The following XPR1 variants were observed in gnomAD, a reference collection of about 807,000 sequenced individuals.
The protein encoded by XPR1 is solute carrier family 53 member 1.
In XPR1, 28 loss-of-function variants were observed where a neutral mutation model predicts 87.5. The ratio of observed to expected loss-of-function variants is 0.32; its 90% CI spans 0.24 to 0.44. The LOEUF (loss-of-function observed/expected upper bound fraction) is 0.44. Ranked by LOEUF, XPR1 falls within the 20% of genes least tolerant of loss-of-function variation. XPR1 has a pLI of 1.00. For missense variants in XPR1, 559 were observed against 862.3 expected (o/e 0.65, Z 4.41); for synonymous variants, 300 against 306.1 (o/e 0.98, Z 0.21).
chr1:180,703,932 A>G (rs1228661071), intron 2 of XPR1, among the ~76,000 whole-genome samples: 4 of 152,116 alleles, frequency 2.6e-5, no homozygotes, highest in Admixed American at 2.6e-4. Context: ...CTCTTATTAC[A>G]GAAAATTCTG....
chr1:180,844,021 G>A (rs1651601287), intron 11 of XPR1, among the ~76,000 whole-genome samples: 1 of 152,010 alleles, frequency 6.6e-6, no homozygotes, highest in African/African-American at 2.4e-5. Context: ...GACCAGCCTG[G>A]CCATCATGGT....
chr1:180,778,421 A>G (rs762764085), intron 2 of XPR1, among the ~76,000 whole-genome samples: 8 of 152,244 alleles, frequency 5.3e-5, no homozygotes, highest in Non-Finnish European at 8.8e-5. Flanking sequence ...TCATAGAATA[A>G]CAGTGTATAT....
chr1:180,757,441 C>G (rs543186678), intron 2 of XPR1, among the ~76,000 whole-genome samples: 1 of 150,910 alleles, frequency 6.6e-6, no homozygotes, highest in East Asian at 1.9e-4. Flanking sequence ...ACTAAAGATG[C>G]AGCTAATGCT....
intron 6 of XPR1, among the ~76,000 whole-genome samples, chr1:180,810,173 T>C (rs1453884255): frequency 6.6e-6 from 1 of 152,170 alleles, no homozygotes; most frequent in African/African-American, 2.4e-5. Flanking sequence ...AATCGCTTTC[T>C]AAATATAAAA....
At position 180,873,942 on chromosome 1, in the gene XPR1, G is replaced by A. The variant is rs369652084; in HGVS notation, c.1808G>A (p.Arg603Gln). The change falls in exon 13 of 15, where the codon CGG (arginine) becomes CAG (glutamine). Residue 603 changes from arginine (R) to glutamine (Q), a missense_variant and splice_region_variant. This residue lies in a region of XPR1 where 264 missense variants were observed against 377.2 expected (regional missense o/e 0.70). Transcript: ENST00000367590. ...GTCTTTGCCCCACTTGAGGTTTTCC[G>A]GTAAGCAAACTACTGAAAAGTTTAT... Reference protein sequence around the residue: ...ATVFAPLEVFRRFVWNFFRLE... With the variant: ...ATVFAPLEVFQRFVWNFFRLE... 1.2e-6 allele frequency: 2 copies of A among 1,611,296 alleles called. No homozygotes were observed. The highest frequency in any genetic ancestry group is 2.2e-5 in the South Asian group (2 of 90,264).
At chr1:180,765,218 G>T (rs902363482) in intron 2 of XPR1, among the ~76,000 whole-genome samples, 1 of 152,176 alleles carries the variant, frequency 6.6e-6, no homozygotes, top group Non-Finnish European at 1.5e-5. Context: ...TCAGTGAATG[G>T]AAGAGCTAGG....
chr1:180,749,903 G>A (rs557516604), intron 2 of XPR1, among the ~76,000 whole-genome samples: 78 of 152,170 alleles, frequency 5.1e-4, no homozygotes, highest in Admixed American at 5.0e-3. Context: ...AAAACATACC[G>A]TAGTTAAAAG....
At chr1:180,752,739 A>G (rs1209601551) in intron 2 of XPR1, among the ~76,000 whole-genome samples, 1 of 152,208 alleles carries the variant, frequency 6.6e-6, no homozygotes, top group Non-Finnish European at 1.5e-5. Context: ...TTGGTTGTAC[A>G]GTAAAATTGA....
At position 180,647,888 on chromosome 1, in the gene XPR1, GA is replaced by G. The variant is rs1369329045; in HGVS notation, c.69+15619del. The stretch of plus-strand genomic sequence containing the variant: ...TGCGCTCCAGCCTGGGTGACAGAGT[GA>G]GACTCTTATCTGCAAAAAAAAAAAA... On this transcript the variant is annotated intron_variant, in intron 1 of 14. Coordinates refer to ENST00000367590, the MANE Select transcript of XPR1 (RefSeq NM_004736.4). Among the ~76,000 whole-genome samples the G allele has an allele frequency of 4.6e-5, 6 of 129,666 alleles. No homozygotes were observed. In the East Asian group the frequency reaches 1.4e-3, roughly 30 times the overall value. The allele number at this position is 129,666 out of a possible 152,430, so 85.1% of individuals were successfully genotyped here.
At chr1:180,634,015 A>G (rs537295614) in intron 1 of XPR1, among the ~76,000 whole-genome samples, 10 of 152,306 alleles carry the variant, frequency 6.6e-5, no homozygotes, top group East Asian at 3.9e-4. Context: ...TTAATTTGCA[A>G]TATCTGGGGC....
Position 180,798,910 on chromosome 1 carries a change from G to A in XPR1, c.224-4478G>A, listed in dbSNP as rs532944000. On this transcript the variant is annotated intron_variant, in intron 3 of 14. Coordinates refer to ENST00000367590, the MANE Select transcript of XPR1 (RefSeq NM_004736.4). ...ATTACAGGTGTGAGCCACCATGCCC[G>A]GCCTGTTGTAGTTTTCCATTAACAT... 2.6e-4 allele frequency among the ~76,000 whole-genome samples: 39 copies of A among 152,228 alleles called. 1 individual carries two copies. The highest frequency in any genetic ancestry group is 1.4e-3 in the Admixed American group (21 of 15,292).
intron 10 of XPR1, 142 bp downstream of exon 10, chr1:180,835,187 G>C: frequency 1.1e-6 from 1 of 916,908 alleles, no homozygotes. Context: ...TTGGCATTCT[G>C]TTAGCAGTCT....
chr1:180,814,757 A>G (rs903393300), intron 7 of XPR1, among the ~76,000 whole-genome samples: 2 of 152,228 alleles, frequency 1.3e-5, no homozygotes, highest in Non-Finnish European at 2.9e-5. Context: ...AAGCGGTTCA[A>G]AGAGACAACT....
chr1:180,738,772 C>A (rs1351317995), intron 2 of XPR1, among the ~76,000 whole-genome samples: 1 of 152,056 alleles, frequency 6.6e-6, no homozygotes, highest in Non-Finnish European at 1.5e-5. Flanking sequence ...CTTATATATT[C>A]TAGATACAAG....
chr1:180,664,836 A>G (rs1341900602), intron 1 of XPR1, among the ~76,000 whole-genome samples: 1 of 152,178 alleles, frequency 6.6e-6, no homozygotes, highest in Non-Finnish European at 1.5e-5. Context: ...TTTCCGGATG[A>G]AACTGTTCTA....
intron 2 of XPR1, among the ~76,000 whole-genome samples, chr1:180,750,724 T>G (rs922447478): frequency 1.3e-5 from 2 of 152,088 alleles, no homozygotes; most frequent in Non-Finnish European, 1.5e-5. Context: ...TATTTTAACT[T>G]TTCTTAAATT....
chr1:180,860,608 T>C (rs1423541909), intron 11 of XPR1, among the ~76,000 whole-genome samples: 2 of 152,110 alleles, frequency 1.3e-5, no homozygotes, highest in Non-Finnish European at 2.9e-5. Context: ...CTCAAAATGC[T>C]ATATACTAAG....
intron 4 of XPR1, 132 bp from the exon 5 acceptor site, chr1:180,805,930 A>G: frequency 1.1e-6 from 1 of 926,836 alleles, no homozygotes; most frequent in Non-Finnish European, 1.6e-6. Flanking sequence ...AGATGCTTTT[A>G]TGAAAGCTTT....
intron 3 of XPR1, among the ~76,000 whole-genome samples, chr1:180,789,880 G>A (rs894162199): frequency 6.6e-6 from 1 of 152,136 alleles, no homozygotes; most frequent in Non-Finnish European, 1.5e-5. Context: ...GACAACAGCA[G>A]AATAAATTGG....
Sources: allele counts gnomAD v4.1 joint callset (sites outside exome capture counted in the v4.1 genomes callset), GRCh38; gene constraint gnomAD v4.1.1; regional missense constraint gnomAD v4.1.1; transcripts MANE v1.5; gene names NCBI Gene and HGNC (gene_info 2026-07-23, HGNC 2026-07-21).